Variants in TMED3 observed in about 807,000 individuals in gnomAD.
TMED3 encodes transmembrane p24 trafficking protein 3.
Under a neutral mutation model 15.0 loss-of-function variants are expected in TMED3, and 9 were observed. The ratio of observed to expected loss-of-function variants is 0.60; its 90% CI spans 0.36 to 1.04. The LOEUF (loss-of-function observed/expected upper bound fraction) is 1.04, where lower values mean the gene tolerates loss of function less well. TMED3 is among the 50% of genes least tolerant of loss of function. The pLI, the probability that TMED3 is intolerant of heterozygous loss-of-function variation, is 0.01. For synonymous variants in TMED3, 117 were observed against 121.4 expected, an observed-to-expected ratio of 0.96 and a Z score of 0.24; for missense variants, 267 against 278.9, an observed-to-expected ratio of 0.96 and a Z score of 0.30.
intron 2 of TMED3, among the ~76,000 whole-genome samples, chr15:79,357,403 T>C (rs1478000547): frequency 7.4e-6 from 1 of 135,218 alleles, no homozygotes; most frequent in East Asian, 2.1e-4. Context: ...TAGGATTGCT[T>C]AAGCCTGGGA....
chr15:79,326,412 A>G (rs1395200113), downstream of TMED3, among the ~76,000 whole-genome samples: 1 of 152,116 alleles, frequency 6.6e-6, no homozygotes, highest in Admixed American at 6.5e-5. Context: ...AGCGGCACTG[A>G]TTTCTAGTTT....
intron 2 of TMED3, among the ~76,000 whole-genome samples, chr15:79,343,428 A>G (rs72740324): frequency 0.012 from 1,837 of 152,346 alleles, 12 homozygotes; most frequent in Admixed American, 0.021. Flanking sequence ...TTCGCTCAGC[A>G]TAATATATGC....
intron 2 of TMED3, among the ~76,000 whole-genome samples, chr15:79,399,751 C>T (rs1893810081): frequency 6.6e-6 from 1 of 152,160 alleles, no homozygotes; most frequent in Non-Finnish European, 1.5e-5. Flanking sequence ...CCTAAATGGG[C>T]TCTGGAAAGG....
chr15:79,411,974 G>A (rs1893987373), exon 3 of TMED3: 1 of 156,486 alleles, frequency 6.4e-6, no homozygotes, highest in Admixed American at 6.1e-5. Flanking sequence ...TGGTTTTCTG[G>A]TCTCTCCTGG....
intron 2 of TMED3, among the ~76,000 whole-genome samples, chr15:79,328,289 A>G (rs184610248): frequency 7.9e-5 from 12 of 152,362 alleles, no homozygotes; most frequent in Admixed American, 2.0e-4. Context: ...GGCTTCTCGT[A>G]TCACTTGCCT....
At chr15:79,357,897 C>A (rs112159090) in intron 2 of TMED3, among the ~76,000 whole-genome samples, 10 of 152,238 alleles carry the variant, frequency 6.6e-5, no homozygotes, top group African/African-American at 2.2e-4. Context: ...GCCATCATAC[C>A]CTAGGATTCT....
At chr15:79,337,249 T>C (rs1337599725) in intron 2 of TMED3, among the ~76,000 whole-genome samples, 1 of 152,192 alleles carries the variant, frequency 6.6e-6, no homozygotes, top group Non-Finnish European at 1.5e-5. Context: ...CAGATGGCTG[T>C]CTTCTGTGTC....
chr15:79,358,034 C>G (rs752303495), intron 2 of TMED3, among the ~76,000 whole-genome samples: 3 of 152,206 alleles, frequency 2.0e-5, no homozygotes, highest in Non-Finnish European at 2.9e-5. Flanking sequence ...GTTCATTTAT[C>G]AGATAAATCA....
intron 2 of TMED3, among the ~76,000 whole-genome samples, chr15:79,316,397 G>A (rs1453816989): frequency 6.6e-6 from 1 of 152,174 alleles, no homozygotes; most frequent in African/African-American, 2.4e-5. Context: ...TTCTGACAGA[G>A]GTCAAAGGCC....
At chr15:79,356,594 G>A (rs912476523) in intron 2 of TMED3, among the ~76,000 whole-genome samples, 17 of 152,142 alleles carry the variant, frequency 1.1e-4, no homozygotes, top group African/African-American at 3.4e-4. Flanking sequence ...CTCTCAGATG[G>A]TGATGAGTGC....
At chr15:79,331,194 G>A (rs2141223417) in intron 2 of TMED3, among the ~76,000 whole-genome samples, 1 of 152,196 alleles carries the variant, frequency 6.6e-6, no homozygotes, top group African/African-American at 2.4e-5. Flanking sequence ...TTCCCAGCAG[G>A]CCCCACCTCC....
At chr15:79,393,579 T>C (rs1893724277) in intron 2 of TMED3, among the ~76,000 whole-genome samples, 1 of 152,240 alleles carries the variant, frequency 6.6e-6, no homozygotes, top group African/African-American at 2.4e-5. Flanking sequence ...ACCAGATTTT[T>C]GAAGGGTAGT....
intron 2 of TMED3, among the ~76,000 whole-genome samples, chr15:79,342,288 A>T (rs897865918): frequency 4.9e-4 from 74 of 149,864 alleles, no homozygotes; most frequent in African/African-American, 8.1e-4. Context: ...AACATAAACA[A>T]GATGTTGTAT....
rs530245979 is a variant in TMED3, at chr15:79,329,380, G to A, written c.417+15375G>A. ...TTGTAAGGTAAATGGATGTGCTTTG[G>A]TCAGGAATAGGCAGAGGCAGACATC... On this transcript the variant is annotated intron_variant, in intron 2 of 2. Transcript: ENST00000424155. 2.1e-3 allele frequency among the ~76,000 whole-genome samples: 314 copies of A among 152,352 alleles called. 1 individual carries two copies. Among genetic ancestry groups the A allele is most frequent in the Middle Eastern group, 0.014 (4 of 294 alleles).
chr15:79,387,325 G>A (rs1206569692), intron 2 of TMED3, among the ~76,000 whole-genome samples: 1 of 151,962 alleles, frequency 6.6e-6, no homozygotes, highest in Non-Finnish European at 1.5e-5. Flanking sequence ...CCTCTGCTTT[G>A]CAGTCTTATA....
chr15:79,353,575 T>TACAC (rs55929180), intron 2 of TMED3, among the ~76,000 whole-genome samples: 49,577 of 135,240 alleles, frequency 0.37, 10,229 homozygotes, highest in Middle Eastern at 0.57. Flanking sequence ...GGGTTAAAAA[T>TACAC]ACACACACAC....
intron 2 of TMED3, among the ~76,000 whole-genome samples, chr15:79,403,220 CAAAAAAAAAAAAAAAAAAAAA>C (rs71150908): frequency 1.5e-5 from 1 of 65,420 alleles, no homozygotes; most frequent in Admixed American, 2.0e-4. Flanking sequence ...GACTCTGTCT[CAAAAAAAAAAAAAAAAAAAAA>C]AAAAAAAAGA....
rs760795474 is a variant in TMED3, at chr15:79,382,968, G to T, written c.418-28432G>T. 3 of 1,535,358 alleles carry T rather than the reference G, an allele frequency of 2.0e-6. No individual in the cohort carries two copies. In the East Asian group the frequency reaches 7.3e-5, roughly 38 times the overall value. ...AAACACGATTTATTTCTTTTCCAAG[G>T]GTCCCAGTGCTTCACCAACACCAAC... On this transcript the variant is annotated intron_variant, in intron 2 of 2. Transcript: ENST00000424155.
intron 2 of TMED3, among the ~76,000 whole-genome samples, chr15:79,329,634 G>T (rs576269143): frequency 1.7e-4 from 26 of 152,358 alleles, no homozygotes; most frequent in Non-Finnish European, 3.4e-4. Flanking sequence ...AGCTGTAAGT[G>T]TGGGAGCCAC....
Sources: gnomAD v4.1 joint callset for allele counts (sites outside exome capture counted in the v4.1 genomes callset) on GRCh38, gnomAD v4.1.1 for gene constraint, MANE v1.5 for transcripts, NCBI Gene and HGNC (gene_info 2026-07-23, HGNC 2026-07-21) for gene names.